AGBL1: variants seen among roughly 807,000 people sequenced by gnomAD.
AGBL1 encodes the protein AGBL carboxypeptidase 1, also known as cytosolic carboxypeptidase 4.
Under a neutral mutation model 118.9 loss-of-function variants are expected in AGBL1, and 130 were observed. The observed-to-expected ratio is 1.09, with a 90% CI of 0.95 to 1.26. The LOEUF (loss-of-function observed/expected upper bound fraction) is 1.26. Ranked by LOEUF, AGBL1 falls within the 50% of genes most tolerant of loss-of-function variation. The pLI is 0.00. For missense variants in AGBL1, 1,584 were observed against 1,298.1 expected (o/e 1.22, Z -3.38); for synonymous variants, 555 against 478.9 (o/e 1.16, Z -2.08).
In AGBL1 at chr15:86,256,907, C is replaced by A. The variant is rs1948571; in HGVS notation, c.790C>A (p.Leu264Met). Residue 264 changes from leucine to methionine, a missense_variant, in exon 8 of 23, where the codon CTG (leucine) becomes ATG (methionine). Transcript: ENST00000614907. ...CGTCATCTCTGTGGTGCTTCAGATCCTGAGGCAGTGCTACCCTACGAGTCC... is the reference window on the plus strand; with the variant it reads ...CGTCATCTCTGTGGTGCTTCAGATCATGAGGCAGTGCTACCCTACGAGTCC... ...EPVISVVLQI[L>M]RQCYPTSPLP... The A allele has an allele frequency of 1.2e-6, 2 of 1,613,890 alleles. No homozygotes were observed. Among genetic ancestry groups the A allele is most frequent in the Non-Finnish European group, 1.7e-6 (2 of 1,179,874 alleles).
intron 21 of AGBL1, among the ~76,000 whole-genome samples, chr15:86,632,773 G>C (rs1421886128): frequency 6.8e-6 from 1 of 147,548 alleles, no homozygotes; most frequent in African/African-American, 2.5e-5. Flanking sequence ...TGCATGTGTA[G>C]TGTTAGGGAT....
intron 17 of AGBL1, among the ~76,000 whole-genome samples, chr15:86,365,793 G>A (rs1360137042): frequency 2.6e-5 from 4 of 152,060 alleles, no homozygotes; most frequent in Admixed American, 2.0e-4. Flanking sequence ...CATTTCTGGG[G>A]TAAGGGAGTG....
intron 22 of AGBL1, among the ~76,000 whole-genome samples, chr15:86,881,164 T>G (rs2079886215): frequency 6.6e-6 from 1 of 152,222 alleles, no homozygotes; most frequent in Admixed American, 6.5e-5. Flanking sequence ...TTGTCACTTG[T>G]TTTTTGAGCA....
At chr15:86,461,057 C>T (rs113485817) in intron 18 of AGBL1, among the ~76,000 whole-genome samples, 4,979 of 152,230 alleles carry the variant, frequency 0.033, 126 homozygotes, top group African/African-American at 0.074. Flanking sequence ...CAAATGCATT[C>T]TAGGTCAGTG....
intron 22 of AGBL1, among the ~76,000 whole-genome samples, chr15:86,852,708 TCAA>T (rs1352430714): frequency 6.6e-6 from 1 of 152,148 alleles, no homozygotes; most frequent in African/African-American, 2.4e-5. Flanking sequence ...AATGGAGGGC[TCAA>T]CAAGCCATCC....
intron 17 of AGBL1, among the ~76,000 whole-genome samples, chr15:86,349,057 G>T (rs1322264565): frequency 6.6e-6 from 1 of 152,186 alleles, no homozygotes; most frequent in Non-Finnish European, 1.5e-5. Flanking sequence ...TGTGAAGACA[G>T]ATACAGAGAT....
At chr15:86,236,486 G>C (rs566986109) in intron 6 of AGBL1, among the ~76,000 whole-genome samples, 1 of 152,222 alleles carries the variant, frequency 6.6e-6, no homozygotes, top group East Asian at 1.9e-4. Flanking sequence ...GGTAATAGGA[G>C]AGGATGGACA....
rs114413587 is a variant in AGBL1 at position 86,926,105 on chromosome 15, C to T, written c.3222-61882C>T. On this transcript the variant is annotated intron_variant, in intron 23 of 24. Transcript: ENST00000441037. ...CTGCTTCATCTCCTCTCCTTTCCTT[C>T]CATTACCTTTTCCCTCCACGTTCCT... is the stretch of plus-strand genomic sequence containing the variant. Among the ~76,000 whole-genome samples, 389 of 152,242 alleles carry T rather than the reference C, an allele frequency of 2.6e-3. 1 individual carries two copies. Among genetic ancestry groups the T allele is most frequent in the African/African-American group, 8.9e-3 (371 of 41,542 alleles).
At chr15:86,846,759 T>C (rs890805149) in intron 22 of AGBL1, among the ~76,000 whole-genome samples, 10 of 152,234 alleles carry the variant, frequency 6.6e-5, no homozygotes, top group African/African-American at 2.4e-4. Flanking sequence ...CTCGAACTCC[T>C]GACCTCAAGT....
chr15:87,030,185 C>T (rs2081770516), downstream of AGBL1, among the ~76,000 whole-genome samples: 1 of 151,856 alleles, frequency 6.6e-6, no homozygotes, highest in Non-Finnish European at 1.5e-5. Context: ...CTACTGTACA[C>T]CCATGACATT....
intron 4 of AGBL1, among the ~76,000 whole-genome samples, chr15:86,158,594 A>G (rs2077224512): frequency 6.6e-6 from 1 of 152,180 alleles, no homozygotes; most frequent in African/African-American, 2.4e-5. Context: ...CTAACCAGAT[A>G]CCTCTTTGGA....
rs535355848 is a variant in AGBL1, at chr15:86,901,638, T to C, written c.3159-5449T>C. ...AATTTTTTCTTTGAACCCAATTCCATGTTTTTGTTGGTGATTTGGTCTTCT... is the reference window on the plus strand; with the variant it reads ...AATTTTTTCTTTGAACCCAATTCCACGTTTTTGTTGGTGATTTGGTCTTCT... On this transcript the variant is annotated intron_variant, in intron 22 of 22. Coordinates refer to ENST00000614907, the MANE Select transcript of AGBL1 (RefSeq NM_001386094.1). Among the ~76,000 whole-genome samples, 28 of 152,260 alleles carry C rather than the reference T, an allele frequency of 1.8e-4. No homozygotes were observed. The South Asian group carries it at 5.8e-3, about 31-fold the overall frequency.
Position 86,779,314 on chromosome 15 carries a change from C to A in AGBL1, c.3158+104878C>A, listed in dbSNP as rs149043130. Among the ~76,000 whole-genome samples the A allele has an allele frequency of 4.6e-3, 695 of 152,300 alleles. 8 individuals carry two copies. The highest frequency in any genetic ancestry group is 0.015 in the African/African-American group (626 of 41,548). On this transcript the variant is annotated intron_variant, in intron 22 of 22. Coordinates refer to ENST00000614907, the MANE Select transcript of AGBL1 (RefSeq NM_001386094.1). ...TGCCTTGATCTTGAACTTCTCAGTC[C>A]CCAGAACTCTAACAAATAACTTTGT... is the stretch of plus-strand genomic sequence containing the variant.
In AGBL1 at chr15:86,554,403, A is replaced by G; in HGVS notation, c.2860A>G (p.Met954Val). The G allele has an allele frequency of 6.3e-7, 1 of 1,588,242 alleles. No individual in the cohort carries two copies. The highest frequency in any genetic ancestry group is 8.6e-7 in the Non-Finnish European group (1 of 1,167,084). Residue 954 changes from methionine to valine, a missense_variant, in exon 21 of 23, where the codon ATG (methionine) becomes GTG (valine). Transcript: ENST00000614907. ...ILDKLAPAFT[M>V]SSCSFLVEKS... ...TGATAAGCTAGCACCAGCATTCACA[A>G]TGAGCAGCTGCAGCTTTCTCGTGGA... is the stretch of plus-strand genomic sequence containing the variant.
At chr15:86,335,862 C>T (rs530205538) in intron 17 of AGBL1, among the ~76,000 whole-genome samples, 2 of 152,288 alleles carry the variant, frequency 1.3e-5, no homozygotes, top group African/African-American at 4.8e-5. Flanking sequence ...TTGTCACTTA[C>T]TACCTGTGAG....
At chr15:86,783,879 C>T (rs540297616) in intron 22 of AGBL1, among the ~76,000 whole-genome samples, 1 of 152,318 alleles carries the variant, frequency 6.6e-6, no homozygotes, top group African/African-American at 2.4e-5. Flanking sequence ...GATTTGCCCA[C>T]CTTGGCCTCC....
At chr15:86,319,844 C>T (rs1443883255) in intron 17 of AGBL1, among the ~76,000 whole-genome samples, 1 of 137,426 alleles carries the variant, frequency 7.3e-6, no homozygotes, top group Non-Finnish European at 1.5e-5. Flanking sequence ...GCCACCTTCG[C>T]CTCCTGGGTT....
At chr15:86,437,486 G>A (rs2082013090) in intron 18 of AGBL1, among the ~76,000 whole-genome samples, 1 of 152,084 alleles carries the variant, frequency 6.6e-6, no homozygotes, top group South Asian at 2.1e-4. Context: ...TTCACAGTCT[G>A]GTGCTCTCAA....
intron 22 of AGBL1, among the ~76,000 whole-genome samples, chr15:86,739,977 T>C (rs2077654710): frequency 6.6e-6 from 1 of 152,162 alleles, no homozygotes; most frequent in Non-Finnish European, 1.5e-5. Context: ...ATAACCCCTT[T>C]CACCTTTAAA....
Sources: allele counts gnomAD v4.1 joint callset (sites outside exome capture counted in the v4.1 genomes callset), GRCh38; gene constraint gnomAD v4.1.1; transcripts MANE v1.5; gene names NCBI Gene and HGNC (gene_info 2026-07-23, HGNC 2026-07-21).